The following TENM2 variants were observed in gnomAD, a reference collection of about 807,000 sequenced individuals.
TENM2 encodes teneurin transmembrane protein 2.
TENM2 carries 52 observed loss-of-function variants against 245.2 expected under a neutral mutation model. The ratio of observed to expected loss-of-function variants is 0.21; its 90% confidence interval spans 0.17 to 0.27. The LOEUF (loss-of-function observed/expected upper bound fraction) is 0.27, where lower values mean the gene tolerates loss of function less well. TENM2 is among the 10% of genes least tolerant of loss of function. TENM2 has a pLI of 1.00. For synonymous variants in TENM2, 1,363 were observed against 1,438.9 expected (o/e 0.95, Z 1.19); for missense variants, 3,046 against 3,666.8 (o/e 0.83, Z 4.37).
At chr5:167,438,712 A>C (rs913007509) in intron 2 of TENM2, among the ~76,000 whole-genome samples, 2 of 151,914 alleles carry the variant, frequency 1.3e-5, no homozygotes, top group African/African-American at 2.4e-5. Context: ...AAACATTTTT[A>C]ATGGTGTCCG....
intron 3 of TENM2, among the ~76,000 whole-genome samples, chr5:167,891,655 G>A (rs1774771205): frequency 6.6e-6 from 1 of 152,108 alleles, no homozygotes; most frequent in East Asian, 1.9e-4. Flanking sequence ...TACAGCATGG[G>A]AGATCACCTC....
chr5:166,996,228 G>A, the TENM2 span, among the ~76,000 whole-genome samples: 7 of 151,892 alleles, frequency 4.6e-5, no homozygotes, highest in African/African-American at 7.3e-5. Flanking sequence ...TTGTAGTCCC[G>A]GCTACTTGTG....
intron 2 of TENM2, among the ~76,000 whole-genome samples, chr5:167,474,338 T>C (rs1767229419): frequency 6.6e-6 from 1 of 152,128 alleles, no homozygotes; most frequent in South Asian, 2.1e-4. Flanking sequence ...TGTTCAGAGC[T>C]TTCATCTTCA....
intron 2 of TENM2, among the ~76,000 whole-genome samples, chr5:167,667,168 A>G (rs1424778647): frequency 6.6e-6 from 1 of 152,210 alleles, no homozygotes; most frequent in African/African-American, 2.4e-5. Flanking sequence ...ATACTGAACT[A>G]AAACTGGCTT....
rs141957655 is a variant in TENM2, at chr5:167,508,035, A to G, written c.502+132562A>G. Among the ~76,000 whole-genome samples the G allele has an allele frequency of 1.7e-4, 26 of 152,284 alleles. No individual in the cohort carries two copies. In the East Asian group the frequency reaches 5.0e-3, roughly 29 times the overall value. On this transcript the variant is annotated intron_variant, in intron 2 of 28. Transcript: ENST00000518659. Reference sequence around the variant, plus strand: ...TCAGCAGATAAAGATATACAACTCAAGTTTACCAAGGAAACCCCACTGAAC... The same window carrying G: ...TCAGCAGATAAAGATATACAACTCAGGTTTACCAAGGAAACCCCACTGAAC...
At chr5:167,304,629 T>C (rs113326987) in intron 1 of TENM2, among the ~76,000 whole-genome samples, 89 of 152,254 alleles carry the variant, frequency 5.8e-4, no homozygotes, top group Non-Finnish European at 9.6e-4. Flanking sequence ...TGTGTGATTT[T>C]TTTTCTTTGC....
chr5:167,614,288 C>G (rs1777647657), intron 2 of TENM2, among the ~76,000 whole-genome samples: 1 of 152,042 alleles, frequency 6.6e-6, no homozygotes, highest in East Asian at 1.9e-4. Flanking sequence ...TGTCTGCAAG[C>G]CATTTTTGGC....
chr5:167,165,729 G>T, the TENM2 span, among the ~76,000 whole-genome samples: 1 of 152,088 alleles, frequency 6.6e-6, no homozygotes, highest in Non-Finnish European at 1.5e-5. Context: ...TGAAATATAA[G>T]GTATAAATCT....
At chr5:167,125,560 A>G in the TENM2 span, among the ~76,000 whole-genome samples, 3 of 152,188 alleles carry the variant, frequency 2.0e-5, no homozygotes, top group Non-Finnish European at 2.9e-5. Context: ...GTCCCTGTAC[A>G]TTTCTGGGAT....
intron 26 of TENM2, among the ~76,000 whole-genome samples, chr5:168,245,149 C>T (rs1272053638): frequency 6.7e-6 from 1 of 148,484 alleles, no homozygotes; most frequent in Non-Finnish European, 1.5e-5. Flanking sequence ...ACAAGGACTT[C>T]CCTCCTGCTC....
intron 13 of TENM2, among the ~76,000 whole-genome samples, chr5:168,184,362 C>T (rs1760204716): frequency 6.6e-6 from 1 of 152,174 alleles, no homozygotes; most frequent in Non-Finnish European, 1.5e-5. Context: ...CCATCCACAG[C>T]ACCTGCAGTG....
At chr5:167,206,860 A>C in the TENM2 span, among the ~76,000 whole-genome samples, 1 of 152,186 alleles carries the variant, frequency 6.6e-6, no homozygotes, top group African/African-American at 2.4e-5. Context: ...ATGACTTGAG[A>C]TAATAATTGC....
the TENM2 span, among the ~76,000 whole-genome samples, chr5:166,990,090 T>C: frequency 6.6e-6 from 1 of 152,230 alleles, no homozygotes; most frequent in African/African-American, 2.4e-5. Context: ...AATGTTTCAT[T>C]TCTGCTTATA....
intron 2 of TENM2, among the ~76,000 whole-genome samples, chr5:167,431,563 C>A (rs1026968241): frequency 8.5e-5 from 13 of 152,056 alleles, no homozygotes; most frequent in African/African-American, 2.9e-4. Context: ...TATTATATCT[C>A]TCCTTTCTCT....
upstream of TENM2, among the ~76,000 whole-genome samples, chr5:167,282,733 A>G (rs895379611): frequency 6.6e-6 from 1 of 152,186 alleles, no homozygotes; most frequent in Non-Finnish European, 1.5e-5. Context: ...TTCAATGGCC[A>G]TGCTCTTAAA....
chr5:167,577,975 A>G (rs1193548084), intron 2 of TENM2, among the ~76,000 whole-genome samples: 1 of 152,180 alleles, frequency 6.6e-6, no homozygotes, highest in African/African-American at 2.4e-5. Flanking sequence ...TGAAATGTGA[A>G]AACACAAAAT....
the TENM2 span, among the ~76,000 whole-genome samples, chr5:167,055,082 T>C: frequency 6.6e-6 from 1 of 152,156 alleles, no homozygotes; most frequent in Non-Finnish European, 1.5e-5. Context: ...TTTGATGTTG[T>C]GTGTAAAAAG....
chr5:167,467,427 G>A (rs975376151), intron 2 of TENM2, among the ~76,000 whole-genome samples: 2 of 151,190 alleles, frequency 1.3e-5, no homozygotes, highest in Non-Finnish European at 2.9e-5. Flanking sequence ...TTACAGCAGC[G>A]TGAGAATGGA....
chr5:167,853,714 A>G (rs1259782548), intron 2 of TENM2, among the ~76,000 whole-genome samples: 2 of 152,196 alleles, frequency 1.3e-5, no homozygotes, highest in African/African-American at 4.8e-5. Flanking sequence ...CAACAATTTC[A>G]TTCCATAGAC....
Sources: allele counts gnomAD v4.1 joint callset (sites outside exome capture counted in the v4.1 genomes callset), GRCh38; gene constraint gnomAD v4.1.1; transcripts MANE v1.5; gene names NCBI Gene and HGNC (gene_info 2026-07-23, HGNC 2026-07-21).